RBMS3: variants seen among roughly 807,000 people sequenced by gnomAD.
RBMS3 encodes RNA binding motif single stranded interacting protein 3.
In RBMS3, 27 loss-of-function variants were observed where a neutral mutation model predicts 66.8. That is an observed-to-expected ratio of 0.40 (90% CI 0.30 to 0.56). RBMS3 has a LOEUF of 0.56. Among genes scored for constraint, RBMS3 ranks in the 20% least tolerant of loss-of-function variants. The pLI is 0.40. For synonymous variants in RBMS3, 188 were observed against 183.0 expected (o/e 1.03, Z -0.22); for missense variants, 513 against 549.5 (o/e 0.93, Z 0.66).
At chr3:29,501,939 A>C (rs550526906) in intron 3 of RBMS3, among the ~76,000 whole-genome samples, 11 of 152,156 alleles carry the variant, frequency 7.2e-5, no homozygotes, top group Non-Finnish European at 1.5e-4. Context: ...ATGGTGTCAG[A>C]GATATATTTA....
intron 4 of RBMS3, among the ~76,000 whole-genome samples, chr3:29,710,934 A>G (rs1239570967): frequency 1.3e-5 from 2 of 152,312 alleles, no homozygotes; most frequent in East Asian, 3.9e-4. Flanking sequence ...TTAGTTCATC[A>G]TAAAATATTT....
At chr3:29,341,587 G>T (rs989591981) in intron 1 of RBMS3, among the ~76,000 whole-genome samples, 3 of 152,066 alleles carry the variant, frequency 2.0e-5, no homozygotes, top group Non-Finnish European at 4.4e-5. Context: ...AAAGTGAATT[G>T]TCTGAGCTTG....
chr3:29,611,214 A>G (rs1225009382), intron 4 of RBMS3, among the ~76,000 whole-genome samples: 2 of 152,064 alleles, frequency 1.3e-5, no homozygotes, highest in Non-Finnish European at 2.9e-5. Context: ...GCAACTGGAA[A>G]TGGAAATTGT....
At chr3:29,702,342 C>T (rs932564273) in intron 4 of RBMS3, among the ~76,000 whole-genome samples, 12 of 152,180 alleles carry the variant, frequency 7.9e-5, no homozygotes, top group African/African-American at 2.9e-4. Context: ...ACACACCAAT[C>T]AGCACCCTGT....
At chr3:29,965,875 T>C (rs1696807715) in intron 12 of RBMS3, among the ~76,000 whole-genome samples, 1 of 152,238 alleles carries the variant, frequency 6.6e-6, no homozygotes, top group Non-Finnish European at 1.5e-5. Context: ...TAGGTTTAAG[T>C]GCTTAATGCA....
intron 5 of RBMS3, among the ~76,000 whole-genome samples, chr3:29,742,566 T>G (rs906574181): frequency 2.0e-5 from 3 of 152,244 alleles, no homozygotes; most frequent in Non-Finnish European, 4.4e-5. Flanking sequence ...AAAGAATTTT[T>G]CGCTGACCTC....
At chr3:29,678,568 G>C (rs972251337) in intron 4 of RBMS3, among the ~76,000 whole-genome samples, 2 of 152,112 alleles carry the variant, frequency 1.3e-5, no homozygotes, top group African/African-American at 2.4e-5. Context: ...AGTGAAAACA[G>C]GGTCGGACAT....
At chr3:29,779,393 G>A (rs1215498998) in intron 6 of RBMS3, among the ~76,000 whole-genome samples, 1 of 151,496 alleles carries the variant, frequency 6.6e-6, no homozygotes, top group African/African-American at 2.4e-5. Flanking sequence ...AGGAATGTCA[G>A]ACCCATATTT....
At chr3:29,520,256 A>G (rs1471981202) in intron 3 of RBMS3, among the ~76,000 whole-genome samples, 1 of 152,228 alleles carries the variant, frequency 6.6e-6, no homozygotes, top group Non-Finnish European at 1.5e-5. Flanking sequence ...AAAAGCGTGC[A>G]GTATCTTGTT....
At chr3:29,416,707 G>A (rs1290535473) in intron 1 of RBMS3, among the ~76,000 whole-genome samples, 1 of 152,110 alleles carries the variant, frequency 6.6e-6, no homozygotes. Flanking sequence ...CACTGTACCA[G>A]TGTCTTGGGC....
intron 4 of RBMS3, chr3:29,697,214 GT>G (rs1412650245): frequency 7.2e-6 from 5 of 692,186 alleles, no homozygotes; most frequent in Non-Finnish European, 5.3e-6. Flanking sequence ...GATACAATTG[GT>G]TTATATTAAA....
intron 4 of RBMS3, among the ~76,000 whole-genome samples, chr3:29,684,811 CACACAG>C (rs1321739398): frequency 3.3e-5 from 5 of 150,264 alleles, no homozygotes; most frequent in Admixed American, 6.6e-5. Flanking sequence ...CACACACACA[CACACAG>C]ACACATACAC....
chr3:29,649,462 A>G (rs1240965141), intron 4 of RBMS3, among the ~76,000 whole-genome samples: 1 of 152,208 alleles, frequency 6.6e-6, no homozygotes, highest in Admixed American at 6.5e-5. Context: ...TAACAAGGCA[A>G]GCTAACTAAG....
At chr3:29,501,921 C>T (rs568029572) in intron 3 of RBMS3, among the ~76,000 whole-genome samples, 35 of 152,026 alleles carry the variant, frequency 2.3e-4, no homozygotes, top group African/African-American at 7.7e-4. Flanking sequence ...AAATGGTTCG[C>T]GGTAGTTATG....
At chr3:29,483,076 G>A (rs2043193949) in intron 2 of RBMS3, among the ~76,000 whole-genome samples, 1 of 151,554 alleles carries the variant, frequency 6.6e-6, no homozygotes, top group Admixed American at 6.6e-5. Flanking sequence ...TCTCCATATC[G>A]ACAGAAAGTT....
intron 4 of RBMS3, among the ~76,000 whole-genome samples, chr3:29,691,099 C>T (rs1212207426): frequency 1.3e-5 from 2 of 152,128 alleles, no homozygotes; most frequent in African/African-American, 4.8e-5. Context: ...AAGTTTAACT[C>T]CATGGAATTG....
intron 4 of RBMS3, among the ~76,000 whole-genome samples, chr3:29,624,133 G>T (rs2048973638): frequency 6.6e-6 from 1 of 152,174 alleles, no homozygotes; most frequent in Admixed American, 6.5e-5. Context: ...CTGTAAATAT[G>T]CTCTTAGGCA....
chr3:29,935,932 T>A (rs958136156), intron 10 of RBMS3, among the ~76,000 whole-genome samples, 154 bp from the exon 11 acceptor site: 14 of 152,254 alleles, frequency 9.2e-5, no homozygotes, highest in Admixed American at 4.6e-4. Context: ...ATGACATGAA[T>A]GGACATAAAA....
At chr3:29,581,950 C>G (rs1051411881) in intron 3 of RBMS3, among the ~76,000 whole-genome samples, 5 of 152,080 alleles carry the variant, frequency 3.3e-5, no homozygotes, top group African/African-American at 1.2e-4. Context: ...AAATAGAGAA[C>G]TTAAGGAGCC....
Sources: allele counts gnomAD v4.1 joint callset (sites outside exome capture counted in the v4.1 genomes callset), GRCh38; gene constraint gnomAD v4.1.1; transcripts MANE v1.5; gene names NCBI Gene and HGNC (gene_info 2026-07-23, HGNC 2026-07-21).